The following ARHGAP24 variants were observed in gnomAD, a reference collection of about 807,000 sequenced individuals.
The protein encoded by ARHGAP24 is rho GTPase-activating protein 24.
Under a neutral mutation model 76.4 loss-of-function variants are expected in ARHGAP24, and 50 were observed. That is an observed-to-expected ratio of 0.65 (90% CI 0.52 to 0.83). ARHGAP24 has a LOEUF of 0.83. Among genes scored for constraint, ARHGAP24 ranks in the 40% least tolerant of loss-of-function variants. ARHGAP24 has a pLI of 0.00. For synonymous variants in ARHGAP24, 345 were observed against 323.3 expected (o/e 1.07, Z -0.72); for missense variants, 930 against 914.2 (o/e 1.02, Z -0.22).
chr4:85,912,927 G>A (rs1434565707), intron 3 of ARHGAP24, among the ~76,000 whole-genome samples: 1 of 151,902 alleles, frequency 6.6e-6, no homozygotes, highest in African/African-American at 2.4e-5. Flanking sequence ...GGGTGAAAGC[G>A]ATTATATGGA....
intron 1 of ARHGAP24, among the ~76,000 whole-genome samples, chr4:85,495,971 C>T (rs17010259): frequency 0.09 from 13,652 of 152,040 alleles, 681 homozygotes; most frequent in South Asian, 0.18. Context: ...GCTCCCCAAA[C>T]CCTAGAGAAC....
At chr4:85,529,712 T>G (rs1725175798) in intron 1 of ARHGAP24, among the ~76,000 whole-genome samples, 1 of 151,786 alleles carries the variant, frequency 6.6e-6, no homozygotes, top group Non-Finnish European at 1.5e-5. Context: ...CTCTGTGGAG[T>G]GGGAGATGTG....
intron 2 of ARHGAP24, among the ~76,000 whole-genome samples, chr4:85,597,708 A>C (rs1184871867): frequency 6.6e-6 from 1 of 152,068 alleles, no homozygotes; most frequent in African/African-American, 2.4e-5. Flanking sequence ...TTACATATTT[A>C]AATAGGTGGT....
At chr4:85,589,946 C>A (rs1728015314) in intron 2 of ARHGAP24, among the ~76,000 whole-genome samples, 1 of 152,114 alleles carries the variant, frequency 6.6e-6, no homozygotes, top group African/African-American at 2.4e-5. Flanking sequence ...TTCATGCCAT[C>A]CACATTTTTG....
Position 85,995,436 on chromosome 4 carries a change from TG to T in ARHGAP24, c.1785del (p.Pro597ArgfsTer51). On this transcript the variant is annotated frameshift_variant, in exon 9 of 10. Transcript: ENST00000395184. LOFTEE classifies it high-confidence loss of function. Reference protein sequence around the residue: ...GGNFEDPVLDGPPQDDLSHPR... With the variant: ...GGNFEDPVLDXPPQDDLSHPR... ...GGAACTTTGAGGACCCTGTTTTGGATGGGCCCCCGCAGGACGACCTTTCCCA... is the reference window on the plus strand; with the variant it reads ...GGAACTTTGAGGACCCTGTTTTGGATGGCCCCCGCAGGACGACCTTTCCCA... 1 of 1,611,044 alleles carries T rather than the reference TG, an allele frequency of 6.2e-7. No individual in the cohort carries two copies. The highest frequency in any genetic ancestry group is 1.1e-5 in the South Asian group (1 of 90,940).
chr4:85,783,828 G>T (rs1176663579), intron 3 of ARHGAP24, among the ~76,000 whole-genome samples: 1 of 152,018 alleles, frequency 6.6e-6, no homozygotes, highest in Non-Finnish European at 1.5e-5. Context: ...CTGGGCCACT[G>T]GTGTTTATGG....
At chr4:85,829,880 A>G (rs994055654) in intron 3 of ARHGAP24, among the ~76,000 whole-genome samples, 2 of 152,226 alleles carry the variant, frequency 1.3e-5, no homozygotes, top group African/African-American at 4.8e-5. Context: ...TAATCAGTGT[A>G]TACAGCCAAG....
intron 4 of ARHGAP24, among the ~76,000 whole-genome samples, chr4:85,924,033 T>C (rs1238839771): frequency 6.6e-6 from 1 of 152,154 alleles, no homozygotes; most frequent in African/African-American, 2.4e-5. Context: ...GTTTTGGATT[T>C]TCCCATATTA....
At chr4:85,486,029 A>C (rs912863771) in intron 1 of ARHGAP24, among the ~76,000 whole-genome samples, 1 of 152,124 alleles carries the variant, frequency 6.6e-6, no homozygotes, top group Non-Finnish European at 1.5e-5. Flanking sequence ...TGCCGTGCCC[A>C]GTCATTTAGA....
intron 2 of ARHGAP24, among the ~76,000 whole-genome samples, chr4:85,580,677 T>TC (rs1264782226): frequency 1.3e-5 from 2 of 152,132 alleles, no homozygotes; most frequent in African/African-American, 4.8e-5. Flanking sequence ...AGGCAAGAAC[T>TC]CCCAGTCTCT....
intron 1 of ARHGAP24, among the ~76,000 whole-genome samples, chr4:85,543,306 T>C (rs900283971): frequency 6.6e-6 from 1 of 152,202 alleles, no homozygotes; most frequent in Admixed American, 6.5e-5. Context: ...GTGATAGTAC[T>C]GAGAGGTGAG....
At chr4:85,745,118 A>G (rs1725976335) in intron 3 of ARHGAP24, among the ~76,000 whole-genome samples, 1 of 152,014 alleles carries the variant, frequency 6.6e-6, no homozygotes, top group South Asian at 2.1e-4. Flanking sequence ...TGTGCCCAGG[A>G]AAACGTGAAA....
At chr4:85,656,094 T>C (rs1428711049) in intron 2 of ARHGAP24, among the ~76,000 whole-genome samples, 2 of 152,124 alleles carry the variant, frequency 1.3e-5, no homozygotes, top group Non-Finnish European at 2.9e-5. Context: ...CCACTTATAA[T>C]CCTATATTCT....
chr4:85,932,949 A>G (rs1042387255), intron 4 of ARHGAP24, among the ~76,000 whole-genome samples: 1 of 152,158 alleles, frequency 6.6e-6, no homozygotes, highest in Non-Finnish European at 1.5e-5. Flanking sequence ...GTCATCACTC[A>G]GGGCAGCAGC....
At chr4:85,560,410 T>G (rs1726547742) in intron 1 of ARHGAP24, among the ~76,000 whole-genome samples, 1 of 152,184 alleles carries the variant, frequency 6.6e-6, no homozygotes. Context: ...TTCATTTCAG[T>G]AAGTCATTTT....
At chr4:85,700,416 T>G (rs10025740) in intron 2 of ARHGAP24, among the ~76,000 whole-genome samples, 1 of 33,332 alleles carries the variant, frequency 3.0e-5, no homozygotes, top group Non-Finnish European at 1.9e-4. Context: ...AATAAATAAA[T>G]AAAGAAGAAG....
intron 5 of ARHGAP24, among the ~76,000 whole-genome samples, chr4:85,953,452 A>T (rs901915565): frequency 6.6e-6 from 1 of 152,206 alleles, no homozygotes; most frequent in African/African-American, 2.4e-5. Context: ...TACTGAACTG[A>T]GTTATGAAAA....
chr4:85,554,771 C>T (rs371343553), intron 1 of ARHGAP24, among the ~76,000 whole-genome samples: 22 of 151,962 alleles, frequency 1.4e-4, no homozygotes, highest in African/African-American at 2.9e-4. Context: ...CCCGGGTTCA[C>T]GCCATTCTCC....
chr4:85,852,648 CT>C, intron 3 of ARHGAP24, among the ~76,000 whole-genome samples: 1 of 152,204 alleles, frequency 6.6e-6, no homozygotes, highest in East Asian at 1.9e-4. Context: ...TGTGGATGTC[CT>C]TTTTGTTGAT....
Sources: gnomAD v4.1 joint callset for allele counts (sites outside exome capture counted in the v4.1 genomes callset) on GRCh38, gnomAD v4.1.1 for gene constraint, MANE v1.5 for transcripts, NCBI Gene and HGNC (gene_info 2026-07-23, HGNC 2026-07-21) for gene names.